Variants in COL4A2 observed in about 807,000 individuals in gnomAD.
COL4A2 encodes collagen type IV alpha 2 chain, also known as collagen alpha-2(IV) chain.
Under a neutral mutation model 200.2 loss-of-function variants are expected in COL4A2, and 99 were observed. The ratio of observed to expected loss-of-function variants is 0.49; its 90% CI spans 0.42 to 0.58. The LOEUF (loss-of-function observed/expected upper bound fraction) is 0.58. COL4A2 is among the 20% of genes least tolerant of loss of function. COL4A2 has a pLI of 0.00. For missense variants in COL4A2, 1,950 were observed against 2,314.1 expected, an observed-to-expected ratio of 0.84 and a Z score of 3.23; for synonymous variants, 897 against 900.6, an observed-to-expected ratio of 1.00 and a Z score of 0.07.
chr13:110,495,372 C>A lies in COL4A2; in HGVS notation c.3665C>A (p.Pro1222Gln), dbSNP rs1883423286. The A allele has an allele frequency of 6.2e-7, 1 of 1,614,144 alleles. No homozygotes were observed. The highest frequency in any genetic ancestry group is 2.2e-5 in the East Asian group (1 of 44,862). Residue 1222 changes from proline (P) to glutamine (Q), a missense_variant, in exon 40 of 48, where the codon CCA becomes CAA. This residue lies in a region of COL4A2 where 1,385 missense variants were observed against 1,720.5 expected (regional missense o/e 0.80). Coordinates refer to ENST00000360467, the MANE Select transcript of COL4A2 (RefSeq NM_001846.4). ...GSDIHGDPGF[P>Q]GPPGERGDPG... Reference sequence around the variant, plus strand: ...GACATCCACGGAGACCCAGGCTTCCCAGGCCCTCCTGGGGAAAGAGGTGAC... The same window carrying A: ...GACATCCACGGAGACCCAGGCTTCCAAGGCCCTCCTGGGGAAAGAGGTGAC...
chr13:110,420,355 G>A (rs1381632672), intron 4 of COL4A2, among the ~76,000 whole-genome samples: 10 of 152,286 alleles, frequency 6.6e-5, no homozygotes, highest in East Asian at 1.9e-4. Flanking sequence ...GCAGTTCAAC[G>A]ATACTGTTCA....
intron 45 of COL4A2, among the ~76,000 whole-genome samples, chr13:110,505,110 G>T (rs373276764): frequency 1.4e-4 from 22 of 152,046 alleles, no homozygotes; most frequent in African/African-American, 4.8e-4. Flanking sequence ...CAGCACTTTG[G>T]GAGGCTGAGG....
intron 33 of COL4A2, 147 bp downstream of exon 33, chr13:110,485,174 T>A: frequency 1.5e-6 from 1 of 676,060 alleles, no homozygotes. Flanking sequence ...TGTGTGTCCA[T>A]AGCTGGCGCA....
At chr13:110,352,098 T>C (rs1174997979) in intron 3 of COL4A2, among the ~76,000 whole-genome samples, 1 of 152,088 alleles carries the variant, frequency 6.6e-6, no homozygotes, top group Non-Finnish European at 1.5e-5. Flanking sequence ...ATAATGATCA[T>C]GATGATGATG....
intron 3 of COL4A2, among the ~76,000 whole-genome samples, chr13:110,322,954 G>C (rs948804202): frequency 4.6e-5 from 7 of 152,258 alleles, no homozygotes; most frequent in Admixed American, 1.3e-4. Context: ...GAGCGGGAGG[G>C]CGGATGCCCA....
Position 110,472,960 on chromosome 13 carries a change from A to C in COL4A2, c.2235A>C (p.Ala745=). The part of the protein sequence containing the change: ...GFIGPRGSKG[A]VGLPGPDGSP... ...TAGGACCCCGAGGATCCAAAGGTGC[A>C]GTGGGCCTCCCTGGCCCAGATGGAT... Residue 745 remains alanine, a synonymous_variant, in exon 29 of 48, where the codon GCA becomes GCC. Coordinates refer to ENST00000360467, the MANE Select transcript of COL4A2 (RefSeq NM_001846.4). 5 of 1,556,936 alleles carry C rather than the reference A, an allele frequency of 3.2e-6. No individual in the cohort carries two copies. The highest frequency in any genetic ancestry group is 4.3e-6 in the Non-Finnish European group (5 of 1,150,434).
intron 4 of COL4A2, among the ~76,000 whole-genome samples, chr13:110,413,582 G>C (rs1482218470): frequency 6.6e-6 from 1 of 152,228 alleles, no homozygotes; most frequent in Non-Finnish European, 1.5e-5. Flanking sequence ...CCAACCGCTA[G>C]GCACTCAGTT....
chr13:110,406,247 C>T (rs1433198302), intron 4 of COL4A2, among the ~76,000 whole-genome samples: 1 of 152,178 alleles, frequency 6.6e-6, no homozygotes, highest in Non-Finnish European at 1.5e-5. Flanking sequence ...CCTGCAGAAG[C>T]TGATCTGCTG....
chr13:110,310,707 G>A (rs977581772), intron 3 of COL4A2, among the ~76,000 whole-genome samples: 1 of 151,812 alleles, frequency 6.6e-6, no homozygotes, highest in Non-Finnish European at 1.5e-5. Context: ...AGGAAAAAGG[G>A]CTGCCGCTGG....
In COL4A2 at chr13:110,424,863, G is replaced by A. The variant is rs376081023; in HGVS notation, c.310G>A (p.Asp104Asn). The A allele has an allele frequency of 1.1e-5, 17 of 1,614,046 alleles. No individual in the cohort carries two copies. The South Asian group carries it at 1.2e-4, about 11-fold the overall frequency. Residue 104 changes from aspartate to asparagine, a missense_variant, in exon 5 of 48, where the codon GAC (aspartate) becomes AAC (asparagine). Around this residue, in one of 2 missense-constraint regions of COL4A2, gnomAD observed 565 missense variants for 593.5 expected, o/e 0.95. Coordinates refer to ENST00000360467, the MANE Select transcript of COL4A2 (RefSeq NM_001846.4). ...GAPGVTGPKGDVGARGVSGFP... is the reference protein window; with the variant it reads ...GAPGVTGPKGNVGARGVSGFP... ...CCCCGGAGTAACGGGACCCAAGGGC[G>A]ACGTGGTACGCACCGCTGGTGTATT...
chr13:110,317,150 A>T (rs1432085188), intron 3 of COL4A2, among the ~76,000 whole-genome samples: 1 of 151,554 alleles, frequency 6.6e-6, no homozygotes, highest in African/African-American at 2.4e-5. Context: ...ACACATACAG[A>T]CACACAGATG....
chr13:110,511,048 T>A (rs985802911), intron 47 of COL4A2, among the ~76,000 whole-genome samples: 2 of 152,152 alleles, frequency 1.3e-5, no homozygotes, highest in African/African-American at 4.8e-5. Flanking sequence ...CAGCCCCTTT[T>A]TTCCCTGCAA....
chr13:110,453,433 G>T (rs961949510), intron 20 of COL4A2, among the ~76,000 whole-genome samples: 4 of 152,006 alleles, frequency 2.6e-5, no homozygotes, highest in African/African-American at 9.7e-5. Flanking sequence ...TCCGGGAGGC[G>T]GAGGTTGCAG....
chr13:110,506,654 G>C, intron 46 of COL4A2, 48 bp downstream of exon 46: 1 of 1,523,446 alleles, frequency 6.6e-7, no homozygotes, highest in Non-Finnish European at 8.8e-7. Context: ...GGCTGGCCCG[G>C]AAGTGGCCAA....
chr13:110,340,639 G>A (rs1267548558), intron 3 of COL4A2, among the ~76,000 whole-genome samples: 3 of 152,226 alleles, frequency 2.0e-5, no homozygotes, highest in South Asian at 4.2e-4. Context: ...CCAGTCTTTT[G>A]GGGCAGCTGC....
chr13:110,481,996 G>GAGACACACTGT (rs1882948613), intron 31 of COL4A2, among the ~76,000 whole-genome samples: 2 of 98,300 alleles, frequency 2.0e-5, no homozygotes, highest in African/African-American at 7.9e-5. Context: ...AGACACATTG[G>GAGACACACTGT]TCGGTCCTTC....
chr13:110,314,054 G>A (rs1885068144), intron 3 of COL4A2, among the ~76,000 whole-genome samples: 1 of 152,252 alleles, frequency 6.6e-6, no homozygotes, highest in Non-Finnish European at 1.5e-5. Context: ...GGACAGAAAA[G>A]CTGCACTAGT....
chr13:110,418,440 C>G (rs192796778), intron 4 of COL4A2, among the ~76,000 whole-genome samples: 82 of 152,338 alleles, frequency 5.4e-4, no homozygotes, highest in Non-Finnish European at 8.5e-4. Flanking sequence ...AATCCAAAGT[C>G]ACAAAGATTT....
At chr13:110,325,014 C>A (rs1377311947) in intron 3 of COL4A2, among the ~76,000 whole-genome samples, 1 of 152,156 alleles carries the variant, frequency 6.6e-6, no homozygotes, top group African/African-American at 2.4e-5. Context: ...GCACGTTCGA[C>A]CCTTAGCATG....
Sources: gnomAD v4.1 joint callset for allele counts (sites outside exome capture counted in the v4.1 genomes callset) on GRCh38, gnomAD v4.1.1 for gene constraint, gnomAD v4.1.1 regional missense constraint, MANE v1.5 for transcripts, NCBI Gene and HGNC (gene_info 2026-07-23, HGNC 2026-07-21) for gene names.